Variants in FANK1 observed in about 807,000 individuals in gnomAD.
The protein encoded by FANK1 is fibronectin type 3 and ankyrin repeat domains protein 1.
Under a neutral mutation model 45.3 loss-of-function variants are expected in FANK1, and 44 were observed. The ratio of observed to expected loss-of-function variants is 0.97; its 90% CI spans 0.76 to 1.25. The LOEUF is 1.25. FANK1 is among the 50% of genes most tolerant of loss of function. The pLI is 0.00. For missense variants in FANK1, 391 were observed against 424.4 expected, an observed-to-expected ratio of 0.92 and a Z score of 0.69; for synonymous variants, 149 against 152.5, an observed-to-expected ratio of 0.98 and a Z score of 0.17.
intron 1 of FANK1, among the ~76,000 whole-genome samples, chr10:125,959,400 T>G (rs1357943250): frequency 9.3e-6 from 1 of 107,734 alleles, no homozygotes; most frequent in Non-Finnish European, 1.7e-5. Context: ...AGTGACAGAA[T>G]GAGACTCTGT....
chr10:125,957,076 C>T (rs536848511), intron 1 of FANK1, among the ~76,000 whole-genome samples: 4 of 152,278 alleles, frequency 2.6e-5, no homozygotes, highest in East Asian at 3.9e-4. Flanking sequence ...AGGATGGTCA[C>T]GATCTCCTGA....
intron 1 of FANK1, among the ~76,000 whole-genome samples, chr10:125,919,387 G>A (rs1283197304): frequency 2.6e-5 from 4 of 151,526 alleles, no homozygotes; most frequent in African/African-American, 9.7e-5. Flanking sequence ...TGTATTTTTA[G>A]TAGAGTTGGG....
chr10:125,950,552 C>G (rs572291223), intron 1 of FANK1, among the ~76,000 whole-genome samples: 9 of 152,110 alleles, frequency 5.9e-5, no homozygotes, highest in Admixed American at 1.3e-4. Flanking sequence ...AAATGCAAAT[C>G]AAAACCACAA....
At chr10:125,952,152 C>T (rs1323000097) in intron 1 of FANK1, among the ~76,000 whole-genome samples, 3 of 151,836 alleles carry the variant, frequency 2.0e-5, no homozygotes, top group African/African-American at 7.3e-5. Context: ...TGTTTGTGTC[C>T]TACAAACCCA....
chr10:125,939,146 G>T lies in FANK1; in HGVS notation c.14-41015G>T, dbSNP rs185056459. The stretch of plus-strand genomic sequence containing the variant: ...TGTAGCATATTCCAGAACACAACTG[G>T]CCTGGACTCTTAAATGTGAATGTGA... On this transcript the variant is annotated intron_variant, in intron 1 of 10. Transcript: ENST00000368693. Among the ~76,000 whole-genome samples the T allele has an allele frequency of 4.6e-5, 7 of 152,266 alleles. No homozygotes were observed. The East Asian group carries it at 1.4e-3, about 29-fold the overall frequency.
At chr10:125,902,227 A>C (rs1469372144) in intron 1 of FANK1, among the ~76,000 whole-genome samples, 1 of 152,180 alleles carries the variant, frequency 6.6e-6, no homozygotes, top group Non-Finnish European at 1.5e-5. Flanking sequence ...TAACCTGCAC[A>C]TTGTGCACAT....
intron 1 of FANK1, among the ~76,000 whole-genome samples, chr10:125,933,715 G>A (rs765688163): frequency 3.3e-5 from 5 of 152,104 alleles, no homozygotes; most frequent in Non-Finnish European, 5.9e-5. Flanking sequence ...TCCTTGAGGT[G>A]TGACCTTAGA....
chr10:125,914,738 G>A (rs1946311404), intron 1 of FANK1, among the ~76,000 whole-genome samples: 1 of 152,172 alleles, frequency 6.6e-6, no homozygotes, highest in Non-Finnish European at 1.5e-5. Flanking sequence ...TGGAAAATGT[G>A]TGGTCTGAAG....
At chr10:125,928,331 C>T (rs113718874) in intron 1 of FANK1, among the ~76,000 whole-genome samples, 40 of 143,350 alleles carry the variant, frequency 2.8e-4, no homozygotes, top group African/African-American at 6.0e-4. Context: ...TGTAAACTGT[C>T]GTGGTGCTAG....
Position 125,980,511 on chromosome 10 carries a change from A to G in FANK1, c.191+173A>G, listed in dbSNP as rs113564767. 579 of 630,596 alleles carry G rather than the reference A, an allele frequency of 9.2e-4. 1 individual carries two copies. The African/African-American group carries it at 9.5e-3, about 10-fold the overall frequency. 39.1% of individuals were successfully genotyped at this position (630,596 alleles called of 1,614,324 possible). ...TTTTGGAAAATAGGCATTAGCAGTA[A>G]CTTTGAAATTAAACCTCTGTACCTT... On this transcript the variant is annotated intron_variant, in intron 2 of 10. Coordinates refer to ENST00000368693, the MANE Select transcript of FANK1 (RefSeq NM_145235.5).
At chr10:125,960,978 T>C (rs370758260) in intron 1 of FANK1, among the ~76,000 whole-genome samples, 16 of 152,206 alleles carry the variant, frequency 1.1e-4, no homozygotes, top group African/African-American at 3.1e-4. Flanking sequence ...ACTGTCAGAC[T>C]TCAAAATATA....
intron 1 of FANK1, among the ~76,000 whole-genome samples, chr10:125,925,890 A>G (rs1366519539): frequency 1.3e-5 from 2 of 152,140 alleles, no homozygotes; most frequent in East Asian, 3.8e-4. Context: ...ATGTACATGC[A>G]TATGTGTTTG....
At chr10:125,918,587 T>TATAA (rs1946674216) in intron 1 of FANK1, among the ~76,000 whole-genome samples, 1 of 39,426 alleles carries the variant, frequency 2.5e-5, no homozygotes, top group East Asian at 8.0e-4. Context: ...AAAAAAAAAA[T>TATAA]ATATATATAT....
chr10:125,918,088 A>G (rs1718964503), intron 1 of FANK1, among the ~76,000 whole-genome samples: 3 of 152,368 alleles, frequency 2.0e-5, no homozygotes, highest in South Asian at 4.1e-4. Flanking sequence ...AGAAAAAAGA[A>G]AAAAAAAGGG....
Position 125,971,824 on chromosome 10 carries a change from A to T in FANK1, c.14-8337A>T, listed in dbSNP as rs149185367. ...TTTTTAGTAGAGACAGGGTTTCACC[A>T]TGTTAGCCAGGATGGTCTCGATCTC... On this transcript the variant is annotated intron_variant, in intron 1 of 10. Coordinates refer to ENST00000368693, the MANE Select transcript of FANK1 (RefSeq NM_145235.5). Among the ~76,000 whole-genome samples the T allele has an allele frequency of 9.9e-5, 15 of 152,152 alleles. No homozygotes were observed. In the East Asian group the frequency reaches 1.9e-3, roughly 20 times the overall value.
At chr10:126,002,297 G>A (rs534649537) in intron 6 of FANK1, among the ~76,000 whole-genome samples, 2 of 146,782 alleles carry the variant, frequency 1.4e-5, no homozygotes, top group South Asian at 4.6e-4. Flanking sequence ...GGGCGATAGA[G>A]TGAGACTCTG....
At chr10:125,974,551 A>C (rs1950734261) in intron 1 of FANK1, among the ~76,000 whole-genome samples, 1 of 152,190 alleles carries the variant, frequency 6.6e-6, no homozygotes, top group Admixed American at 6.5e-5. Flanking sequence ...GAACAATTGC[A>C]TGCTACACAG....
At chr10:125,995,032 T>TTC (rs1554947954) in intron 3 of FANK1, 5 of 824,122 alleles carry the variant, frequency 6.1e-6, no homozygotes, top group African/African-American at 3.7e-5. Context: ...TTTTTTTTTT[T>TTC]CCAAGTAGTT....
At chr10:125,916,048 T>TC in intron 1 of FANK1, among the ~76,000 whole-genome samples, 1 of 152,186 alleles carries the variant, frequency 6.6e-6, no homozygotes, top group African/African-American at 2.4e-5. Context: ...TTTTTTTTTT[T>TC]CTTTTCAGAC....
Sources: allele counts gnomAD v4.1 joint callset (sites outside exome capture counted in the v4.1 genomes callset), GRCh38; gene constraint gnomAD v4.1.1; transcripts MANE v1.5; gene names NCBI Gene and HGNC (gene_info 2026-07-23, HGNC 2026-07-21).